Variants in LRRC4C observed in about 807,000 individuals in gnomAD.
LRRC4C encodes leucine-rich repeat-containing protein 4C.
A neutral mutation model predicts 33.6 loss-of-function variants in LRRC4C; 5 were observed. That is an observed-to-expected ratio of 0.15 (90% CI 0.08 to 0.31). The LOEUF is 0.31. LRRC4C is among the 10% of genes least tolerant of loss of function. The pLI, the probability that LRRC4C is intolerant of heterozygous loss-of-function variation, is 1.00. For synonymous variants in LRRC4C, 329 were observed against 302.0 expected, an observed-to-expected ratio of 1.09 and a Z score of -0.93; for missense variants, 560 against 796.7, an observed-to-expected ratio of 0.70 and a Z score of 3.58.
intron 2 of LRRC4C, among the ~76,000 whole-genome samples, chr11:40,727,176 G>A (rs143328502): frequency 6.6e-6 from 1 of 152,032 alleles, no homozygotes; most frequent in East Asian, 1.9e-4. Flanking sequence ...ATACTGTAAG[G>A]CTCCAGTAAC....
intron 4 of LRRC4C, among the ~76,000 whole-genome samples, chr11:40,310,527 C>T (rs1945254348): frequency 6.6e-6 from 1 of 152,106 alleles, no homozygotes; most frequent in Non-Finnish European, 1.5e-5. Context: ...CATCAATCGG[C>T]ACATGCATGA....
chr11:40,928,884 T>C (rs12418828), intron 2 of LRRC4C, among the ~76,000 whole-genome samples: 9,206 of 152,214 alleles, frequency 0.06, 391 homozygotes, highest in Admixed American at 0.15. Flanking sequence ...ATAATAAGTG[T>C]GCAATTTCTT....
intron 2 of LRRC4C, among the ~76,000 whole-genome samples, chr11:40,660,708 C>T (rs2136207684): frequency 6.6e-6 from 1 of 152,280 alleles, no homozygotes; most frequent in Non-Finnish European, 1.5e-5. Flanking sequence ...GCTCCAGTAT[C>T]AATAAATGCA....
chr11:40,564,716 G>T (rs1438052152), intron 3 of LRRC4C, among the ~76,000 whole-genome samples: 1 of 152,148 alleles, frequency 6.6e-6, no homozygotes, highest in African/African-American at 2.4e-5. Flanking sequence ...AGAGGGAGTG[G>T]TCCCTAAAGA....
At chr11:41,353,839 AAAC>A (rs1457726665) in intron 1 of LRRC4C, among the ~76,000 whole-genome samples, 1 of 151,968 alleles carries the variant, frequency 6.6e-6, no homozygotes, top group African/African-American at 2.4e-5. Flanking sequence ...TTAAAAAACA[AAAC>A]AACGCAACAA....
intron 5 of LRRC4C, among the ~76,000 whole-genome samples, chr11:40,186,184 A>C (rs1375006571): frequency 6.6e-6 from 1 of 152,214 alleles, no homozygotes; most frequent in Non-Finnish European, 1.5e-5. Flanking sequence ...GGGAATGAAT[A>C]CATGAATAAA....
chr11:41,193,570 C>A (rs963702955), intron 1 of LRRC4C, among the ~76,000 whole-genome samples: 1 of 152,078 alleles, frequency 6.6e-6, no homozygotes, highest in Non-Finnish European at 1.5e-5. Context: ...ACAGGATTGA[C>A]AACAGATCCA....
chr11:40,293,590 A>AG (rs1236045218), intron 4 of LRRC4C: 3 of 152,222 alleles, frequency 2.0e-5, no homozygotes, highest in Admixed American at 2.0e-4. Flanking sequence ...GCAAATTAAA[A>AG]AAAACACACA....
At chr11:40,902,855 C>G (rs561748677) in intron 2 of LRRC4C, among the ~76,000 whole-genome samples, 56 of 152,040 alleles carry the variant, frequency 3.7e-4, no homozygotes, top group Non-Finnish European at 6.8e-4. Flanking sequence ...AGAGTTTGGT[C>G]TAGGGGGTTT....
At chr11:41,226,447 A>G (rs61878650) in intron 1 of LRRC4C, among the ~76,000 whole-genome samples, 5 of 152,174 alleles carry the variant, frequency 3.3e-5, no homozygotes, top group Non-Finnish European at 7.4e-5. Context: ...GGACACTGCC[A>G]TCTACCTTTT....
intron 2 of LRRC4C, among the ~76,000 whole-genome samples, chr11:40,704,774 T>C (rs141034371): frequency 5.9e-5 from 9 of 152,282 alleles, no homozygotes; most frequent in African/African-American, 2.2e-4. Context: ...TCAATAAATA[T>C]TAGCTATTAT....
At chr11:40,338,538 C>G (rs1946730974) in intron 3 of LRRC4C, among the ~76,000 whole-genome samples, 1 of 152,142 alleles carries the variant, frequency 6.6e-6, no homozygotes, top group South Asian at 2.1e-4. Context: ...CTGATATGAT[C>G]TAAAAGCAGC....
At chr11:41,083,290 G>A (rs1939713949) in intron 1 of LRRC4C, among the ~76,000 whole-genome samples, 1 of 151,932 alleles carries the variant, frequency 6.6e-6, no homozygotes, top group East Asian at 1.9e-4. Flanking sequence ...ATATTTTCTA[G>A]AGAGTTACCA....
chr11:40,838,893 G>GT (rs1180966546), intron 2 of LRRC4C, among the ~76,000 whole-genome samples: 1 of 151,568 alleles, frequency 6.6e-6, no homozygotes, highest in East Asian at 1.9e-4. Context: ...GTCAACAATT[G>GT]TTTCCTTGAT....
At chr11:40,947,991 C>T (rs140195302) in intron 1 of LRRC4C, among the ~76,000 whole-genome samples, 75 of 152,074 alleles carry the variant, frequency 4.9e-4, no homozygotes, top group African/African-American at 1.6e-3. Flanking sequence ...CTATTTCAAG[C>T]GAGAAGTTAG....
chr11:40,824,914 GC>G (rs1045179769), intron 2 of LRRC4C, among the ~76,000 whole-genome samples: 1 of 151,834 alleles, frequency 6.6e-6, no homozygotes, highest in African/African-American at 2.4e-5. Context: ...TGTCACTTCT[GC>G]CACACTGCCA....
At chr11:40,764,512 G>T (rs1339300340) in intron 2 of LRRC4C, among the ~76,000 whole-genome samples, 1 of 152,132 alleles carries the variant, frequency 6.6e-6, no homozygotes, top group African/African-American at 2.4e-5. Flanking sequence ...AGCATTTTGG[G>T]ATCCACCTTT....
chr11:40,205,401 C>T (rs1252430814), intron 5 of LRRC4C, among the ~76,000 whole-genome samples: 3 of 152,076 alleles, frequency 2.0e-5, no homozygotes, highest in Admixed American at 1.3e-4. Flanking sequence ...GATACCAAGA[C>T]TTGGTACTTT....
chr11:40,738,618 A>T (rs750880693), intron 2 of LRRC4C, among the ~76,000 whole-genome samples: 8 of 152,138 alleles, frequency 5.3e-5, no homozygotes, highest in African/African-American at 7.2e-5. Context: ...GCCAAAAGAC[A>T]TTATTTGGAG....
Sources: allele counts gnomAD v4.1 joint callset (sites outside exome capture counted in the v4.1 genomes callset), GRCh38; gene constraint gnomAD v4.1.1; transcripts MANE v1.5; gene names NCBI Gene and HGNC (gene_info 2026-07-23, HGNC 2026-07-21).